Variants in ELOVL6 observed in about 807,000 individuals in gnomAD.
ELOVL6 encodes very long chain fatty acid elongase 6.
Under a neutral mutation model 31.7 loss-of-function variants are expected in ELOVL6, and 8 were observed. That is an observed-to-expected ratio of 0.25 (90% CI 0.15 to 0.45). The LOEUF (loss-of-function observed/expected upper bound fraction) is 0.45. Ranked by LOEUF, ELOVL6 falls within the 20% of genes least tolerant of loss-of-function variation. The probability of loss-of-function intolerance (pLI) is 1.00; values close to 1 mark genes in which losing one functional copy is unlikely to be tolerated. For synonymous variants in ELOVL6, 101 were observed against 117.7 expected (o/e 0.86, Z 0.92); for missense variants, 126 against 326.4 (o/e 0.39, Z 4.73).
rs757865491 is a variant in ELOVL6, at chr4:110,051,363, A to T, written c.773T>A (p.Met258Lys). Residue 258 changes from methionine (M) to lysine (K), a missense_variant, in exon 4 of 4, where the codon ATG becomes AAG. Physicochemically the swap from Met to Lys is moderately conservative, Grantham distance 95. Coordinates refer to ENST00000302274, the MANE Select transcript of ELOVL6 (RefSeq NM_024090.3). This position sits in a 1 kb window ranked among gnomAD's most constrained non-coding sequence, Gnocchi z 4.8. The stretch of plus-strand genomic sequence containing the variant: ...CTATTCAGCTTTCGTTGTTTTCCTC[A>T]TTTTGCCGATGTAGGCCTCAAAGAA... Reference protein sequence around the residue: ...HFFFEAYIGKMRKTTKAE With the variant: ...HFFFEAYIGKKRKTTKAE The T allele has an allele frequency of 1.9e-6, 3 of 1,613,912 alleles. No homozygotes were observed.
intron 2 of ELOVL6, among the ~76,000 whole-genome samples, chr4:110,063,859 C>T (rs574366705): frequency 4.6e-5 from 7 of 151,766 alleles, no homozygotes; most frequent in Non-Finnish European, 7.4e-5. Flanking sequence ...GGGTGGATCA[C>T]CTGAGGTCAG....
At chr4:110,120,798 C>CTTTTTTTTTTTTTTT (rs1008949209) in intron 1 of ELOVL6, among the ~76,000 whole-genome samples, 2 of 117,870 alleles carry the variant, frequency 1.7e-5, no homozygotes, top group Non-Finnish European at 3.5e-5. Context: ...TTTTTCTTTT[C>CTTTTTTTTTTTTTTT]TTTTTTTTTT....
Position 110,051,783 on chromosome 4 carries a change from A to T in ELOVL6, c.374-21T>A, listed in dbSNP as rs1367974528. ...ATCTCCTGGAAGACAAAGAGGAAGA[A>T]GGTACGTGAGATCCTTGACCACCAG... is the stretch of plus-strand genomic sequence containing the variant. On this transcript the variant is annotated intron_variant, in intron 3 of 3. Coordinates refer to ENST00000302274, the MANE Select transcript of ELOVL6 (RefSeq NM_024090.3). The surrounding 1 kb of genome is among the most constrained non-coding windows in gnomAD (Gnocchi z 4.8). 2.5e-6 allele frequency: 4 copies of T among 1,599,838 alleles called. No homozygotes were observed. Among genetic ancestry groups the T allele is most frequent in the Non-Finnish European group, 3.4e-6 (4 of 1,172,102 alleles).
chr4:110,133,414 T>C (rs902379979), intron 1 of ELOVL6, among the ~76,000 whole-genome samples: 1 of 152,198 alleles, frequency 6.6e-6, no homozygotes, highest in Non-Finnish European at 1.5e-5. Flanking sequence ...GAAAGCATGT[T>C]GCATTTCCTT....
chr4:110,049,874 G>T lies in ELOVL6; in HGVS notation c.*1464C>A, dbSNP rs9995789. 52,922 of 151,216 alleles carry T rather than the reference G, an allele frequency of 0.35. 12,859 individuals are homozygous for T. Among genetic ancestry groups the T allele is most frequent in the African/African-American group, 0.68 (27,889 of 40,978 alleles). The allele number at this position is 151,216 out of a possible 1,614,324, so 9.4% of individuals were successfully genotyped here. ...TTGTAAAGGACTGAAATATTACAGA[G>T]AATATTATCCAGCTTTTTTTTTTTA... On this transcript the variant is annotated 3_prime_UTR_variant, in exon 4 of 4. Coordinates refer to ENST00000302274, the MANE Select transcript of ELOVL6 (RefSeq NM_024090.3).
chr4:110,148,742 C>G (rs1393498940), intron 1 of ELOVL6, among the ~76,000 whole-genome samples: 1 of 114,268 alleles, frequency 8.8e-6, no homozygotes, highest in Non-Finnish European at 2.0e-5. Context: ...ATCTCATGTA[C>G]CCCATAAATA....
intron 2 of ELOVL6, among the ~76,000 whole-genome samples, chr4:110,097,861 T>C (rs1475122579): frequency 6.6e-6 from 1 of 151,954 alleles, no homozygotes; most frequent in Non-Finnish European, 1.5e-5. Context: ...GGAGAAGCTG[T>C]AATTTACAAA....
chr4:110,144,381 C>A (rs1004241273), intron 1 of ELOVL6, among the ~76,000 whole-genome samples: 2 of 152,156 alleles, frequency 1.3e-5, no homozygotes, highest in Non-Finnish European at 2.9e-5. Context: ...CGATAAACGA[C>A]CCCATGCTTA....
At chr4:110,121,253 C>T (rs1427295290) in intron 1 of ELOVL6, among the ~76,000 whole-genome samples, 1 of 152,176 alleles carries the variant, frequency 6.6e-6, no homozygotes, top group African/African-American at 2.4e-5. Flanking sequence ...ATTGAGATGT[C>T]ATTTGAGCAT....
chr4:110,131,224 C>T (rs1231016304), intron 1 of ELOVL6, among the ~76,000 whole-genome samples: 1 of 152,152 alleles, frequency 6.6e-6, no homozygotes, highest in African/African-American at 2.4e-5. Flanking sequence ...GGTGGGACAC[C>T]TTTCATGAGT....
intron 1 of ELOVL6, among the ~76,000 whole-genome samples, chr4:110,116,798 T>C (rs547849486): frequency 3.9e-5 from 6 of 152,272 alleles, no homozygotes; most frequent in Admixed American, 6.5e-5. Flanking sequence ...TAAAGATAGG[T>C]TTCTATGCAG....
At chr4:110,126,911 A>T (rs952464792) in intron 1 of ELOVL6, among the ~76,000 whole-genome samples, 2 of 152,220 alleles carry the variant, frequency 1.3e-5, no homozygotes, top group Admixed American at 1.3e-4. Flanking sequence ...CATCACTTTG[A>T]TAACATGCAT....
intron 2 of ELOVL6, among the ~76,000 whole-genome samples, chr4:110,084,588 A>ATATTTT (rs1553956261): frequency 1.0e-4 from 3 of 29,656 alleles, no homozygotes; most frequent in Non-Finnish European, 1.6e-4. Context: ...ATATATATAT[A>ATATTTT]TTTTTTTTTT....
At chr4:110,165,077 T>G (rs894843730) in intron 1 of ELOVL6, among the ~76,000 whole-genome samples, 1 of 152,128 alleles carries the variant, frequency 6.6e-6, no homozygotes, top group African/African-American at 2.4e-5. Flanking sequence ...CCACCCAAAT[T>G]GTGGTAAACA....
rs927476946 is a variant in ELOVL6, at chr4:110,134,526, G to A, written c.90-28898C>T. Among the ~76,000 whole-genome samples the A allele has an allele frequency of 2.0e-5, 3 of 152,294 alleles. No individual in the cohort carries two copies. The East Asian group carries it at 5.8e-4, about 29-fold the overall frequency. ...TGTAAGAACACAAGGCCTCTGGGGG[G>A]ACATGTATTGTGGCAGGATAGAGAA... On this transcript the variant is annotated intron_variant, in intron 1 of 3. Transcript: ENST00000302274.
intron 2 of ELOVL6, among the ~76,000 whole-genome samples, chr4:110,065,278 A>T (rs936972072): frequency 6.6e-6 from 1 of 152,124 alleles, no homozygotes; most frequent in African/African-American, 2.4e-5. Context: ...AGGTGTATGT[A>T]TTGGGGTCCT....
At chr4:110,085,614 TG>T (rs1370243742) in intron 2 of ELOVL6, among the ~76,000 whole-genome samples, 4 of 152,132 alleles carry the variant, frequency 2.6e-5, no homozygotes, top group Admixed American at 2.0e-4. Context: ...GAGGGGGCAT[TG>T]GGTGGTATCT....
rs1300955086 is a variant in ELOVL6, at chr4:110,047,093, GA to G, written c.*4244del. 1.3e-5 allele frequency: 2 copies of G among 152,188 alleles called. No homozygotes were observed. Among genetic ancestry groups the G allele is most frequent in the African/African-American group, 4.8e-5 (2 of 41,446 alleles). 9.4% of individuals were successfully genotyped at this position (152,188 alleles called of 1,614,324 possible). A position where few individuals can be genotyped will look rare whatever the true frequency, so the allele number is the denominator to read the frequency against. On this transcript the variant is annotated 3_prime_UTR_variant, in exon 4 of 4. Transcript: ENST00000302274. ...TTTATTATCGAAAACAGAGACTGGA[GA>G]AAGACACTACATTTGACTACTGGGA... is the stretch of plus-strand genomic sequence containing the variant.
Position 110,071,026 on chromosome 4 carries a change from C to T in ELOVL6, c.222-11272G>A, listed in dbSNP as rs112911385. Among the ~76,000 whole-genome samples the T allele has an allele frequency of 4.2e-3, 632 of 152,232 alleles. 3 individuals are homozygous for T. The highest frequency in any genetic ancestry group is 0.014 in the African/African-American group (584 of 41,532). ...TGTATAGAGTCTTCCCCCAACCCAA[C>T]TAACTAAAAACCAGGGAGGGAAAAA... On this transcript the variant is annotated intron_variant, in intron 2 of 3. Coordinates refer to ENST00000302274, the MANE Select transcript of ELOVL6 (RefSeq NM_024090.3).
Sources: allele counts gnomAD v4.1 joint callset (sites outside exome capture counted in the v4.1 genomes callset), GRCh38; gene constraint gnomAD v4.1.1; non-coding constraint Gnocchi (gnomAD v3.1); transcripts MANE v1.5; gene names NCBI Gene and HGNC (gene_info 2026-07-23, HGNC 2026-07-21).